Variants in ZNF782 observed in about 807,000 individuals in gnomAD.
The protein encoded by ZNF782 is zinc finger protein 782.
In ZNF782, 12 loss-of-function variants were observed where a neutral mutation model predicts 13.0. The ratio of observed to expected loss-of-function variants is 0.92; its 90% confidence interval spans 0.59 to 1.50. The LOEUF is 1.50. ZNF782 is among the 40% of genes most tolerant of loss of function. The pLI is 0.00. For synonymous variants in ZNF782, 284 were observed against 283.0 expected (o/e 1.00, Z -0.04); for missense variants, 770 against 822.9 (o/e 0.94, Z 0.79).
upstream of ZNF782, among the ~76,000 whole-genome samples, chr9:96,858,243 C>A (rs1851667575): frequency 6.6e-6 from 1 of 152,214 alleles, no homozygotes; most frequent in South Asian, 2.1e-4. The surrounding 1 kb of genome is among the most constrained non-coding windows in gnomAD (Gnocchi z 4.4). Context: ...CCTATCCCCT[C>A]CCCCAGGAGT....
chr9:96,856,573 G>C (rs536078937), upstream of ZNF782, among the ~76,000 whole-genome samples: 1 of 152,322 alleles, frequency 6.6e-6, no homozygotes, highest in South Asian at 2.1e-4. Context: ...ACATTCCCTT[G>C]TTATTTGCTT....
At chr9:96,925,026 T>C in the ZNF782 span, among the ~76,000 whole-genome samples, 1 of 152,204 alleles carries the variant, frequency 6.6e-6, no homozygotes, top group East Asian at 1.9e-4. Flanking sequence ...TAATCACAAA[T>C]AACTTTATTT....
At chr9:96,921,116 C>T in the ZNF782 span, among the ~76,000 whole-genome samples, 12 of 146,180 alleles carry the variant, frequency 8.2e-5, no homozygotes, top group African/African-American at 2.8e-4. Context: ...TTTTCTTGGC[C>T]TTTATCCTAC....
chr9:96,867,643 A>C (rs952501029), intron 1 of ZNF782, among the ~76,000 whole-genome samples: 9 of 152,292 alleles, frequency 5.9e-5, no homozygotes, highest in African/African-American at 2.2e-4. Flanking sequence ...GCCCTGTAAT[A>C]GTGACGACTA....
intron 1 of ZNF782, among the ~76,000 whole-genome samples, chr9:96,870,864 C>A (rs1851816912): frequency 6.6e-6 from 1 of 152,186 alleles, no homozygotes; most frequent in South Asian, 2.1e-4. Context: ...AGAATCGAAG[C>A]TACTAGTTAC....
intron 3 of ZNF782, 22 bp from the exon 4 acceptor site, chr9:96,845,038 T>C: frequency 6.2e-7 from 1 of 1,613,636 alleles, no homozygotes; most frequent in South Asian, 1.1e-5. Flanking sequence ...CATTTCTAAT[T>C]AATCTGAGTG....
the ZNF782 span, among the ~76,000 whole-genome samples, chr9:96,900,052 AC>A: frequency 6.6e-6 from 1 of 151,732 alleles, no homozygotes; most frequent in Non-Finnish European, 1.5e-5. Flanking sequence ...TCTGACCTTG[AC>A]CTCCCAAAGT....
At chr9:96,868,052 C>G (rs1393502207) in intron 1 of ZNF782, among the ~76,000 whole-genome samples, 1 of 152,122 alleles carries the variant, frequency 6.6e-6, no homozygotes, top group Non-Finnish European at 1.5e-5. Flanking sequence ...AAATTCTAAC[C>G]TCGATGTTTT....
At chr9:96,911,255 C>A in the ZNF782 span, among the ~76,000 whole-genome samples, 3 of 142,946 alleles carry the variant, frequency 2.1e-5, no homozygotes, top group African/African-American at 7.6e-5. Flanking sequence ...CTGGCTAACA[C>A]GGTGAAACCC....
intron 3 of ZNF782, among the ~76,000 whole-genome samples, chr9:96,846,041 C>T (rs563110717): frequency 6.6e-6 from 1 of 152,316 alleles, no homozygotes. Context: ...ATTGGGGGTC[C>T]TATCTCCAAC....
chr9:96,846,936 G>A (rs986879425), intron 3 of ZNF782, among the ~76,000 whole-genome samples: 2 of 152,056 alleles, frequency 1.3e-5, no homozygotes, highest in African/African-American at 4.8e-5. Context: ...TCATATGATA[G>A]GCCACAAAAC....
chr9:96,892,583 T>A, the ZNF782 span: 1 of 152,236 alleles, frequency 6.6e-6, no homozygotes, highest in African/African-American at 2.4e-5. Context: ...ATGGGAGACA[T>A]GCCTTTACCA....
the ZNF782 span, chr9:96,933,665 C>A: frequency 6.6e-6 from 1 of 152,436 alleles, no homozygotes; most frequent in Non-Finnish European, 1.5e-5. Flanking sequence ...AGCCACCGCA[C>A]CCACCCTGGG....
chr9:96,872,454 C>T (rs1013420959), intron 1 of ZNF782, among the ~76,000 whole-genome samples: 2 of 151,760 alleles, frequency 1.3e-5, no homozygotes, highest in Non-Finnish European at 1.5e-5. Context: ...TTGCTTGAAC[C>T]TGAGGGGCGG....
the ZNF782 span, chr9:96,889,168 A>C: frequency 6.6e-6 from 1 of 152,210 alleles, no homozygotes; most frequent in Non-Finnish European, 1.5e-5. Context: ...GCCATGCATC[A>C]TAAGCCCACT....
At chr9:96,911,296 G>A in the ZNF782 span, among the ~76,000 whole-genome samples, 1 of 143,550 alleles carries the variant, frequency 7.0e-6, no homozygotes, top group African/African-American at 2.5e-5. Flanking sequence ...AAAATTAGCT[G>A]GGCGCGGTGG....
At chr9:96,857,252 A>G (rs1440506924), upstream of ZNF782, among the ~76,000 whole-genome samples, 1 of 152,136 alleles carries the variant, frequency 6.6e-6, no homozygotes, top group Non-Finnish European at 1.5e-5. Flanking sequence ...GAAGGTGACA[A>G]CACTGCCTCT....
At chr9:96,845,494 TG>T (rs1379205658) in intron 3 of ZNF782, among the ~76,000 whole-genome samples, 1 of 152,168 alleles carries the variant, frequency 6.6e-6, no homozygotes, top group Non-Finnish European at 1.5e-5. Flanking sequence ...CCTTACCTCA[TG>T]ATCCGCCCAC....
At chr9:96,822,789 T>C (rs1239419641) in intron 5 of ZNF782, among the ~76,000 whole-genome samples, 1 of 152,124 alleles carries the variant, frequency 6.6e-6, no homozygotes, top group Admixed American at 6.6e-5. Context: ...ATCTTTGAAA[T>C]TTTCTGGATA....
Sources: gnomAD v4.1 joint callset for allele counts (sites outside exome capture counted in the v4.1 genomes callset) on GRCh38, gnomAD v4.1.1 for gene constraint, Gnocchi (gnomAD v3.1) non-coding constraint, MANE v1.5 for transcripts, NCBI Gene and HGNC (gene_info 2026-07-23, HGNC 2026-07-21) for gene names.